The following CTNNA1 variants were observed in gnomAD, a reference collection of about 807,000 sequenced individuals.
CTNNA1 encodes the protein catenin alpha-1.
Under a neutral mutation model 98.4 loss-of-function variants are expected in CTNNA1, and 37 were observed. That is an observed-to-expected ratio of 0.38 (90% confidence interval 0.29 to 0.49). The LOEUF (loss-of-function observed/expected upper bound fraction) is 0.49. CTNNA1 is among the 20% of genes least tolerant of loss of function. CTNNA1 has a pLI of 0.95. For missense variants in CTNNA1, 761 were observed against 1,147.2 expected (o/e 0.66, Z 4.86); for synonymous variants, 404 against 413.2 (o/e 0.98, Z 0.27).
chr5:138,778,635 C>G (rs771718695), intron 1 of CTNNA1, among the ~76,000 whole-genome samples: 3 of 152,168 alleles, frequency 2.0e-5, no homozygotes, highest in African/African-American at 2.4e-5. Context: ...ACTTGGTTAG[C>G]ATTCTTTGAT....
chr5:138,833,118 C>T (rs1340741335), intron 7 of CTNNA1, among the ~76,000 whole-genome samples: 1 of 152,154 alleles, frequency 6.6e-6, no homozygotes, highest in Non-Finnish European at 1.5e-5. Context: ...CAAAACCTAC[C>T]CTTTCCCCAA....
At chr5:138,880,834 C>G (rs529471318) in intron 7 of CTNNA1, 2 of 326,468 alleles carry the variant, frequency 6.1e-6, no homozygotes, top group African/African-American at 4.3e-5. Flanking sequence ...TGTTTGTTGG[C>G]TATATGCTAG....
chr5:138,870,102 A>G (rs1581363356), intron 7 of CTNNA1: 3 of 152,334 alleles, frequency 2.0e-5, no homozygotes, highest in Admixed American at 6.5e-5. Flanking sequence ...TCTTAAAAAT[A>G]GAAAAAAAAT....
At chr5:138,861,464 T>G (rs900346155) in intron 7 of CTNNA1, among the ~76,000 whole-genome samples, 1 of 152,232 alleles carries the variant, frequency 6.6e-6, no homozygotes, top group African/African-American at 2.4e-5. Context: ...AGCTTTCTTG[T>G]GGCCAATTCT....
chr5:138,768,113 A>G (rs994625462), intron 1 of CTNNA1, among the ~76,000 whole-genome samples: 2 of 152,258 alleles, frequency 1.3e-5, no homozygotes, highest in Non-Finnish European at 2.9e-5. Flanking sequence ...TCAGGAATCA[A>G]TAAAAGATCA....
chr5:138,816,472 A>G (rs1291150631), intron 5 of CTNNA1, among the ~76,000 whole-genome samples: 1 of 152,142 alleles, frequency 6.6e-6, no homozygotes, highest in Non-Finnish European at 1.5e-5. Flanking sequence ...TAATGGCTGT[A>G]CTGATTTACA....
At chr5:138,877,356 C>T in intron 7 of CTNNA1, among the ~76,000 whole-genome samples, 1 of 152,110 alleles carries the variant, frequency 6.6e-6, no homozygotes. Flanking sequence ...GTCTCTCACC[C>T]TAGGTTTCAG....
chr5:138,906,739 C>T (rs748944000), intron 10 of CTNNA1, among the ~76,000 whole-genome samples: 3 of 152,146 alleles, frequency 2.0e-5, no homozygotes, highest in Non-Finnish European at 4.4e-5. Context: ...CAGACAGTGC[C>T]CAGACCACAC....
In CTNNA1 at chr5:138,819,432, G is replaced by A. The variant is rs1278232990; in HGVS notation, c.589-5098G>A. ...AATACTAGAGTTGTTTGGCCTGTAC[G>A]GCGAATGTCTCTGCTCAGCCACTGT... On this transcript the variant is annotated intron_variant, in intron 5 of 17. Transcript: ENST00000302763. Among the ~76,000 whole-genome samples, 6 of 152,322 alleles carry A rather than the reference G, an allele frequency of 3.9e-5. No individual in the cohort carries two copies. In the South Asian group the frequency reaches 8.3e-4, roughly 21 times the overall value.
At chr5:138,850,023 T>A (rs181491888) in intron 7 of CTNNA1, among the ~76,000 whole-genome samples, 10 of 152,258 alleles carry the variant, frequency 6.6e-5, no homozygotes, top group Non-Finnish European at 1.2e-4. Flanking sequence ...CTCTTAAGAT[T>A]TTTGTGTCTT....
intron 13 of CTNNA1, among the ~76,000 whole-genome samples, chr5:138,928,620 G>A (rs2150319845): frequency 6.6e-6 from 1 of 152,274 alleles, no homozygotes; most frequent in Non-Finnish European, 1.5e-5. Context: ...CCGGTGTTGG[G>A]GAAGTAAATT....
At chr5:138,776,458 C>T (rs149310154) in intron 1 of CTNNA1, among the ~76,000 whole-genome samples, 1,769 of 152,304 alleles carry the variant, frequency 0.012, 38 homozygotes, top group African/African-American at 0.04. Context: ...TACACAGACA[C>T]GGCAACCATC....
intron 1 of CTNNA1, among the ~76,000 whole-genome samples, chr5:138,763,748 GTGTT>G (rs1752609211): frequency 6.6e-6 from 1 of 152,242 alleles, no homozygotes; most frequent in Admixed American, 6.5e-5. Context: ...TGATGAAACA[GTGTT>G]TGTGGGTTTT....
intron 9 of CTNNA1, among the ~76,000 whole-genome samples, chr5:138,892,327 A>ATTTTT (rs1755571593): frequency 1.9e-5 from 2 of 103,186 alleles, no homozygotes; most frequent in African/African-American, 7.8e-5. Flanking sequence ...AAAATAGCTT[A>ATTTTT]GTTTTTTTTT....
chr5:138,753,632 T>G, intron 1 of CTNNA1, 122 bp downstream of exon 1: 1 of 347,674 alleles, frequency 2.9e-6, no homozygotes, highest in Admixed American at 4.8e-5. Context: ...CGGGGCGCGG[T>G]TTCTTTGGCG....
At chr5:138,802,142 CAAG>C (rs2149707961) in intron 3 of CTNNA1, among the ~76,000 whole-genome samples, 1 of 152,222 alleles carries the variant, frequency 6.6e-6, no homozygotes, top group Admixed American at 6.5e-5. Flanking sequence ...ATGTAAATGA[CAAG>C]AAGAAGGCAG....
chr5:138,779,362 TACAG>T (rs1754776157), intron 1 of CTNNA1, among the ~76,000 whole-genome samples: 1 of 152,234 alleles, frequency 6.6e-6, no homozygotes, highest in African/African-American at 2.4e-5. Context: ...ATTATTTAGT[TACAG>T]ACAGTTACAG....
In CTNNA1 at chr5:138,846,177, C is replaced by T. The variant is rs141939481; in HGVS notation, c.1062+18459C>T. Among the ~76,000 whole-genome samples, 726 of 152,280 alleles carry T rather than the reference C, an allele frequency of 4.8e-3. 3 individuals are homozygous for T. The highest frequency in any genetic ancestry group is 0.015 in the African/African-American group (612 of 41,564). On this transcript the variant is annotated intron_variant, in intron 7 of 17. Transcript: ENST00000302763. ...ATCTTGGCCAGGCTGGTCTTGAACTCCTGGCCTCAGGTGATCCACCCTCCT... is the reference window on the plus strand; with the variant it reads ...ATCTTGGCCAGGCTGGTCTTGAACTTCTGGCCTCAGGTGATCCACCCTCCT...
In CTNNA1 at chr5:138,863,490, C is replaced by T. The variant is rs79410458; in HGVS notation, c.1063-22722C>T. On this transcript the variant is annotated intron_variant, in intron 7 of 17. Coordinates refer to ENST00000302763, the MANE Select transcript of CTNNA1 (RefSeq NM_001903.5). The stretch of plus-strand genomic sequence containing the variant: ...TGAACTCCTGGGCTCAAGCAGTCCT[C>T]CTGCCCCAGGCCCCCAAAGTGCTGG... 5.0e-3 allele frequency among the ~76,000 whole-genome samples: 761 copies of T among 152,332 alleles called. 8 individuals are homozygous for T. Among genetic ancestry groups the T allele is most frequent in the East Asian group, 0.043 (220 of 5,176 alleles).
Sources: allele counts gnomAD v4.1 joint callset (sites outside exome capture counted in the v4.1 genomes callset), GRCh38; gene constraint gnomAD v4.1.1; transcripts MANE v1.5; gene names NCBI Gene and HGNC (gene_info 2026-07-23, HGNC 2026-07-21).